Variants in GXYLT2 observed in about 807,000 individuals in gnomAD.
GXYLT2 encodes glucoside xylosyltransferase 2, also known as glycosyltransferase 8 domain containing 4.
A neutral mutation model predicts 45.8 loss-of-function variants in GXYLT2; 53 were observed. The observed-to-expected ratio is 1.16, with a 90% CI of 0.93 to 1.46. GXYLT2 has a LOEUF of 1.46. Among genes scored for constraint, GXYLT2 ranks in the 40% most tolerant of loss-of-function variants. The pLI is 0.00. For synonymous variants in GXYLT2, 219 were observed against 214.2 expected (o/e 1.02, Z -0.19); for missense variants, 551 against 544.4 (o/e 1.01, Z -0.12).
intron 1 of GXYLT2, among the ~76,000 whole-genome samples, chr3:72,902,045 C>G (rs530446668): frequency 2.1e-3 from 322 of 152,228 alleles, no homozygotes; most frequent in Non-Finnish European, 3.7e-3. Context: ...AATACTATTC[C>G]ATTGTATGGA....
intron 2 of GXYLT2, among the ~76,000 whole-genome samples, chr3:72,913,532 T>TA (rs1709676584): frequency 6.6e-6 from 1 of 151,604 alleles, no homozygotes; most frequent in Non-Finnish European, 1.5e-5. Context: ...CCATCTCTAC[T>TA]AAAAATACAA....
chr3:72,960,266 C>T (rs568781584), intron 5 of GXYLT2, among the ~76,000 whole-genome samples: 3 of 152,284 alleles, frequency 2.0e-5, no homozygotes, highest in East Asian at 3.9e-4. Flanking sequence ...GTGGCCAAAA[C>T]GATCTAATTT....
chr3:72,955,724 T>C (rs183024136), intron 4 of GXYLT2, among the ~76,000 whole-genome samples: 42 of 152,306 alleles, frequency 2.8e-4, no homozygotes, highest in Middle Eastern at 3.4e-3. Flanking sequence ...TCTCATCTTT[T>C]ATCCTAGCAA....
At chr3:72,973,432 C>A (rs576653767) in intron 6 of GXYLT2, among the ~76,000 whole-genome samples, 1 of 152,230 alleles carries the variant, frequency 6.6e-6, no homozygotes, top group South Asian at 2.1e-4. Flanking sequence ...ACCTTTAGAA[C>A]AAGGGAGGAG....
chr3:72,929,309 G>C (rs572841506), intron 3 of GXYLT2: 3 of 1,173,680 alleles, frequency 2.6e-6, no homozygotes, highest in East Asian at 4.7e-5. Flanking sequence ...CAAGAAACCA[G>C]ACTGTGACGA....
chr3:72,971,943 C>T (rs566768718), intron 6 of GXYLT2, among the ~76,000 whole-genome samples: 1 of 146,974 alleles, frequency 6.8e-6, no homozygotes, highest in East Asian at 2.0e-4. Flanking sequence ...AGTGACACTC[C>T]ATCTAAAAAA....
At chr3:72,903,701 TG>T (rs1709448999) in intron 1 of GXYLT2, among the ~76,000 whole-genome samples, 1 of 152,100 alleles carries the variant, frequency 6.6e-6, no homozygotes, top group East Asian at 1.9e-4. Flanking sequence ...GGTCAGGATT[TG>T]GGTAAGGGTC....
chr3:72,921,246 T>G (rs1425568503), intron 2 of GXYLT2, among the ~76,000 whole-genome samples: 1 of 152,172 alleles, frequency 6.6e-6, no homozygotes, highest in African/African-American at 2.4e-5. Flanking sequence ...ATGTTATAAC[T>G]GTTTTCCATG....
Position 72,976,648 on chromosome 3 carries a change from T to TC in GXYLT2, c.*1490dup, listed in dbSNP as rs1290073929. On this transcript the variant is annotated 3_prime_UTR_variant, in exon 7 of 7. Transcript: ENST00000389617. ...GGGATCTGGCTTAATCCCTAGTTGC[T>TC]CATATAGTTGGTATCAGCATAGCAA... 2.0e-5 allele frequency: 3 copies of TC among 152,228 alleles called. No individual in the cohort carries two copies. The highest frequency in any genetic ancestry group is 4.8e-5 in the African/African-American group (2 of 41,456). The allele number at this position is 152,228 out of a possible 1,614,324, so 9.4% of individuals were successfully genotyped here.
intron 6 of GXYLT2, among the ~76,000 whole-genome samples, chr3:72,972,784 G>C (rs1189901525): frequency 7.1e-6 from 1 of 141,144 alleles, no homozygotes; most frequent in Non-Finnish European, 1.5e-5. Flanking sequence ...AAAAAAATTA[G>C]CCTGGTGGCA....
At chr3:72,917,321 T>G (rs1709761061) in intron 2 of GXYLT2, among the ~76,000 whole-genome samples, 1 of 152,088 alleles carries the variant, frequency 6.6e-6, no homozygotes, top group South Asian at 2.1e-4. Flanking sequence ...TTGTGCCCAG[T>G]ATTTGTGCCA....
In GXYLT2 at chr3:72,976,298, C is replaced by T. The variant is rs899757323; in HGVS notation, c.*1139C>T. On this transcript the variant is annotated 3_prime_UTR_variant, in exon 7 of 7. Coordinates refer to ENST00000389617, the MANE Select transcript of GXYLT2 (RefSeq NM_001080393.2). ...TGGAGGACTAAATCATAATACATTT[C>T]TATGCAACAATAGCTTCTGAGAGGA... 7 of 152,140 alleles carry T rather than the reference C, an allele frequency of 4.6e-5. No individual in the cohort carries two copies. Among genetic ancestry groups the T allele is most frequent in the African/African-American group, 1.7e-4 (7 of 41,426 alleles). The allele number at this position is 152,140 out of a possible 1,614,324, so 9.4% of individuals were successfully genotyped here. A position where few individuals can be genotyped will look rare whatever the true frequency, so the allele number is the denominator to read the frequency against.
intron 5 of GXYLT2, among the ~76,000 whole-genome samples, chr3:72,960,555 C>G (rs1710748196): frequency 1.3e-5 from 2 of 152,138 alleles, no homozygotes; most frequent in Non-Finnish European, 2.9e-5. Flanking sequence ...GTTCTAAATC[C>G]TGGTTCTGCA....
At chr3:72,967,943 A>C (rs955555316) in intron 6 of GXYLT2, among the ~76,000 whole-genome samples, 5 of 152,096 alleles carry the variant, frequency 3.3e-5, no homozygotes, top group Non-Finnish European at 7.4e-5. Context: ...TCTTTTACTT[A>C]ACCAAATTTA....
chr3:72,922,214 G>T lies in GXYLT2; in HGVS notation c.479G>T (p.Trp160Leu). The T allele has an allele frequency of 3.1e-6, 5 of 1,612,802 alleles. No individual in the cohort carries two copies. The highest frequency in any genetic ancestry group is 3.4e-6 in the Non-Finnish European group (4 of 1,179,362). ...KPEFDKQLRQ[W>L]PDSYTKKFEH... ...TCCCATGTTTTTCAGTTACGCCAGT[G>T]GCCTGACTCATATACAAAGAAGTTT... The change falls in exon 3 of 7, where the codon TGG (tryptophan) becomes TTG (leucine). Residue 160 changes from tryptophan (W) to leucine (L), a missense_variant. By Grantham distance (61) the Trp-to-Leu change is moderately conservative. Coordinates refer to ENST00000389617, the MANE Select transcript of GXYLT2 (RefSeq NM_001080393.2).
chr3:72,905,379 C>A (rs2107075850), intron 1 of GXYLT2, among the ~76,000 whole-genome samples: 1 of 152,300 alleles, frequency 6.6e-6, no homozygotes, highest in Middle Eastern at 3.4e-3. Context: ...CGAACTCCTG[C>A]TGGGATTATA....
chr3:72,961,614 A>G (rs1710770404), intron 5 of GXYLT2, among the ~76,000 whole-genome samples: 1 of 148,148 alleles, frequency 6.8e-6, no homozygotes, highest in Non-Finnish European at 1.5e-5. Flanking sequence ...CAAGTCCACA[A>G]TCAATGATGA....
rs559375009 is a variant in GXYLT2 at position 72,949,791 on chromosome 3, G to T, written c.601-5307G>T. 2.6e-3 allele frequency among the ~76,000 whole-genome samples: 391 copies of T among 152,064 alleles called. 2 individuals carry two copies. Among genetic ancestry groups the T allele is most frequent in the Non-Finnish European group, 4.0e-3 (271 of 67,980 alleles). ...GCCTCCCAAAGTGCTGGGACTACAG[G>T]TGTGAGCCACAGTGCCCGGCCTCAT... On this transcript the variant is annotated intron_variant, in intron 3 of 6. Transcript: ENST00000389617.
chr3:72,920,563 C>G (rs1304862177), intron 2 of GXYLT2, among the ~76,000 whole-genome samples: 1 of 152,056 alleles, frequency 6.6e-6, no homozygotes. Flanking sequence ...GCCACCAACA[C>G]CTGGCTGACT....
Sources: gnomAD v4.1 joint callset for allele counts (sites outside exome capture counted in the v4.1 genomes callset) on GRCh38, gnomAD v4.1.1 for gene constraint, MANE v1.5 for transcripts, NCBI Gene and HGNC (gene_info 2026-07-23, HGNC 2026-07-21) for gene names.